The following PPM1L variants were observed in gnomAD, a reference collection of about 807,000 sequenced individuals.
PPM1L encodes protein phosphatase 1L.
A neutral mutation model predicts 31.4 loss-of-function variants in PPM1L; 13 were observed. The observed-to-expected ratio is 0.41, with a 90% CI of 0.27 to 0.66. PPM1L has a LOEUF of 0.66. PPM1L is among the 30% of genes least tolerant of loss of function. PPM1L has a pLI of 0.29. For synonymous variants in PPM1L, 184 were observed against 175.4 expected (o/e 1.05, Z -0.39); for missense variants, 326 against 453.7 (o/e 0.72, Z 2.56).
chr3:160,967,399 G>C (rs772492574), intron 2 of PPM1L, among the ~76,000 whole-genome samples: 14 of 151,966 alleles, frequency 9.2e-5, no homozygotes, highest in Non-Finnish European at 1.8e-4. Flanking sequence ...AGTTCTGTAG[G>C]CTGTGAGGTC....
chr3:161,064,185 T>TA (rs772222080), intron 2 of PPM1L, among the ~76,000 whole-genome samples: 130 of 125,664 alleles, frequency 1.0e-3, no homozygotes, highest in Middle Eastern at 3.9e-3. Context: ...AAAGTAAAAT[T>TA]AAAAAAAAAA....
intron 1 of PPM1L, among the ~76,000 whole-genome samples, chr3:160,786,185 G>GTA (rs1576636916): frequency 3.7e-4 from 23 of 62,556 alleles, no homozygotes; most frequent in East Asian, 1.9e-3. Flanking sequence ...GTGTGTGTGT[G>GTA]TGTATATATA....
At chr3:160,862,670 A>G (rs1315030629) in intron 1 of PPM1L, among the ~76,000 whole-genome samples, 2 of 140,896 alleles carry the variant, frequency 1.4e-5, no homozygotes, top group Non-Finnish European at 3.0e-5. Context: ...ACGCACACAC[A>G]CACACACACA....
chr3:160,835,481 A>C (rs1463097936), intron 1 of PPM1L, among the ~76,000 whole-genome samples: 1 of 152,010 alleles, frequency 6.6e-6, no homozygotes, highest in Non-Finnish European at 1.5e-5. Context: ...CCAATATTTC[A>C]TGTAAATTCC....
chr3:160,966,016 A>C (rs975855868), intron 2 of PPM1L, among the ~76,000 whole-genome samples: 1 of 151,918 alleles, frequency 6.6e-6, no homozygotes, highest in Non-Finnish European at 1.5e-5. Flanking sequence ...CTTCCCCTTT[A>C]ATACATATAT....
chr3:161,015,915 T>C (rs2108067606), intron 2 of PPM1L, among the ~76,000 whole-genome samples: 1 of 152,262 alleles, frequency 6.6e-6, no homozygotes, highest in Non-Finnish European at 1.5e-5. Context: ...CCCTTCTGAA[T>C]GTACATCCCA....
At chr3:161,015,179 C>A (rs79627645) in intron 2 of PPM1L, among the ~76,000 whole-genome samples, 1,978 of 144,874 alleles carry the variant, frequency 0.014, 72 homozygotes, top group Admixed American at 0.076. Flanking sequence ...TGGACATATT[C>A]TATTTTTAAA....
intron 1 of PPM1L, among the ~76,000 whole-genome samples, chr3:160,758,547 T>G (rs1714878319): frequency 6.6e-6 from 1 of 152,212 alleles, no homozygotes; most frequent in Non-Finnish European, 1.5e-5. Flanking sequence ...TGTCTGGGTG[T>G]GATGCATTGG....
At chr3:160,982,916 A>AT (rs1305856689) in intron 2 of PPM1L, among the ~76,000 whole-genome samples, 2 of 152,206 alleles carry the variant, frequency 1.3e-5, no homozygotes, top group Non-Finnish European at 2.9e-5. Flanking sequence ...CTGTGGCTAG[A>AT]TTTTTTAAAA....
Position 161,058,169 on chromosome 3 carries a change from G to GGCTGGAGT in PPM1L, c.575-7231_575-7224dup, listed in dbSNP as rs1466046090. 3.6e-5 allele frequency among the ~76,000 whole-genome samples: 3 copies of GGCTGGAGT among 83,914 alleles called. No individual in the cohort carries two copies. In the Admixed American group the frequency reaches 5.2e-4, roughly 15 times the overall value. 55.1% of individuals were successfully genotyped at this position (83,914 alleles called of 152,430 possible). ...ACGCAGAGTCTCACTCTGTCAGCCA[G>GGCTGGAGT]GCTGGAGTGCAGTGGCACGATCTTG... On this transcript the variant is annotated intron_variant, in intron 2 of 3. Coordinates refer to ENST00000498165, the MANE Select transcript of PPM1L (RefSeq NM_139245.4).
At chr3:160,800,172 A>G (rs1368382120) in intron 1 of PPM1L, among the ~76,000 whole-genome samples, 1 of 152,226 alleles carries the variant, frequency 6.6e-6, no homozygotes, top group African/African-American at 2.4e-5. Context: ...TATTCAATTT[A>G]GAGGTGACCA....
intron 1 of PPM1L, among the ~76,000 whole-genome samples, chr3:160,856,279 A>T (rs933527000): frequency 7.9e-5 from 12 of 152,162 alleles, no homozygotes; most frequent in African/African-American, 2.9e-4. Context: ...CTTCAGTCCA[A>T]TCAAGTTGAC....
At chr3:160,978,735 C>G (rs1311767997) in intron 2 of PPM1L, among the ~76,000 whole-genome samples, 1 of 151,890 alleles carries the variant, frequency 6.6e-6, no homozygotes, top group Non-Finnish European at 1.5e-5. Context: ...GAGGCTGATG[C>G]AGGAAGATTG....
intron 2 of PPM1L, among the ~76,000 whole-genome samples, chr3:161,026,559 G>A (rs891146910): frequency 6.6e-5 from 10 of 151,838 alleles, no homozygotes; most frequent in Non-Finnish European, 1.3e-4. Flanking sequence ...AGCTGGGCAC[G>A]GTGGTGGGCG....
chr3:160,767,589 C>G (rs890028970), intron 1 of PPM1L, among the ~76,000 whole-genome samples: 1 of 152,276 alleles, frequency 6.6e-6, no homozygotes, highest in Non-Finnish European at 1.5e-5. Flanking sequence ...GTCAATAAAC[C>G]TTGTGACTTC....
chr3:160,883,923 A>G (rs1202184563), intron 1 of PPM1L, among the ~76,000 whole-genome samples: 2 of 150,914 alleles, frequency 1.3e-5, no homozygotes, highest in African/African-American at 4.9e-5. Flanking sequence ...AAAAAAATCT[A>G]TCCAGGCATG....
intron 1 of PPM1L, among the ~76,000 whole-genome samples, chr3:160,860,146 G>A (rs557720194): frequency 6.6e-6 from 1 of 152,246 alleles, no homozygotes; most frequent in South Asian, 2.1e-4. Context: ...TACACATGTG[G>A]ATAGTTTCAG....
At chr3:160,769,404 T>C (rs1215770364) in intron 1 of PPM1L, among the ~76,000 whole-genome samples, 1 of 152,192 alleles carries the variant, frequency 6.6e-6, no homozygotes, top group East Asian at 1.9e-4. Context: ...CTTCTTATTT[T>C]TGGATTGTCT....
At chr3:160,836,160 G>GAAATA (rs1713708273) in intron 1 of PPM1L, among the ~76,000 whole-genome samples, 1 of 152,142 alleles carries the variant, frequency 6.6e-6, no homozygotes, top group East Asian at 1.9e-4. Flanking sequence ...AGCTCTGAAG[G>GAAATA]CTTCTGGAAG....
Sources: gnomAD v4.1 joint callset for allele counts (sites outside exome capture counted in the v4.1 genomes callset) on GRCh38, gnomAD v4.1.1 for gene constraint, MANE v1.5 for transcripts, NCBI Gene and HGNC (gene_info 2026-07-23, HGNC 2026-07-21) for gene names.